The following CEP89 variants were observed in gnomAD, a reference collection of about 807,000 sequenced individuals.
CEP89 encodes the protein centrosomal protein of 89 kDa.
CEP89 carries 95 observed loss-of-function variants against 97.6 expected under a neutral mutation model. The ratio of observed to expected loss-of-function variants is 0.97; its 90% CI spans 0.82 to 1.15. The LOEUF (loss-of-function observed/expected upper bound fraction) is 1.15. Ranked by LOEUF, CEP89 falls within the 50% of genes most tolerant of loss-of-function variation. The probability of loss-of-function intolerance (pLI) is 0.00; values close to 1 mark genes in which losing one functional copy is unlikely to be tolerated. For synonymous variants in CEP89, 354 were observed against 349.1 expected (o/e 1.01, Z -0.16); for missense variants, 869 against 947.7 (o/e 0.92, Z 1.09).
rs780316076 is a variant in CEP89, at chr19:32,879,163, T to A, written c.2351A>T (p.Ter784LeuextTer8). The stretch of plus-strand genomic sequence containing the variant: ...CTACACCACGGGCTCCCGCAGATTC[T>A]AGCAGGTGGGGGCATGAGACTTCAG... ...YDLKSHAPTC* is the reference protein window; with the variant it reads ...YDLKSHAPTCL Residue 784 changes from the stop codon to leucine (L), a stop_lost, in exon 19 of 19, where the codon TAG becomes TTG. Transcript: ENST00000305768. 1.2e-5 allele frequency: 20 copies of A among 1,605,942 alleles called. No homozygotes were observed. In the Admixed American group the frequency reaches 3.4e-4, roughly 27 times the overall value.
rs1971135820 is a variant in CEP89 at position 32,960,094 on chromosome 19, A to T, written c.147-36T>A. The T allele has an allele frequency of 3.1e-6, 5 of 1,611,760 alleles. 1 individual carries two copies. The highest frequency in any genetic ancestry group is 4.2e-6 in the Non-Finnish European group (5 of 1,178,526). On this transcript the variant is annotated intron_variant, in intron 2 of 18. Transcript: ENST00000305768. ...AAACATCCCATGGAGACAGTGAGAC[A>T]TGAACATTCCAGGTGAATGCTGAAC...
intron 9 of CEP89, among the ~76,000 whole-genome samples, chr19:32,930,172 C>T (rs918401071): frequency 4.6e-5 from 7 of 151,776 alleles, no homozygotes; most frequent in South Asian, 2.1e-4. Context: ...ATTACAGGTG[C>T]GCACGACCAT....
rs1049689826 is a variant in CEP89 at position 32,971,928 on chromosome 19, C to T, written c.-54G>A. 6.4e-7 allele frequency: 1 copy of T among 1,555,530 alleles called. No individual in the cohort carries two copies. The highest frequency in any genetic ancestry group is 8.7e-7 in the Non-Finnish European group (1 of 1,146,604). On this transcript the variant is annotated 5_prime_UTR_variant, in exon 1 of 19. Transcript: ENST00000305768. ...GCCTGGACTCATCAGCAGATCTATC[C>T]ACAGCCAGGGACCACTCCCTAAAGC...
chr19:32,943,702 A>G (rs1170231198), intron 5 of CEP89, among the ~76,000 whole-genome samples: 2 of 152,008 alleles, frequency 1.3e-5, no homozygotes, highest in Non-Finnish European at 2.9e-5. Flanking sequence ...GTGGGGAGGG[A>G]GAGTAGCATG....
chr19:32,945,756 G>A (rs1663987496), intron 5 of CEP89, among the ~76,000 whole-genome samples: 1 of 152,098 alleles, frequency 6.6e-6, no homozygotes, highest in African/African-American at 2.4e-5. Flanking sequence ...TCCCGCCTTG[G>A]CCTCCCAAGG....
At chr19:32,887,032 A>C (rs887999259) in intron 17 of CEP89, among the ~76,000 whole-genome samples, 6 of 149,190 alleles carry the variant, frequency 4.0e-5, no homozygotes, top group African/African-American at 1.5e-4. Context: ...AAAAATACAA[A>C]AAAAAAAAAA....
rs1460474134 is a variant in CEP89 at position 32,959,764 on chromosome 19, C to T, written c.305+136G>A. 5.9e-6 allele frequency: 5 copies of T among 842,218 alleles called. No individual in the cohort carries two copies. In the African/African-American group the frequency reaches 6.8e-5, roughly 12 times the overall value. The allele number at this position is 842,218 out of a possible 1,614,324, so 52.2% of individuals were successfully genotyped here. Reference sequence around the variant, plus strand: ...GTGACTAAGACTCTAGTCATAAATACATGCATGAGCACCCACGCACCCACA... The same window carrying T: ...GTGACTAAGACTCTAGTCATAAATATATGCATGAGCACCCACGCACCCACA... On this transcript the variant is annotated intron_variant, in intron 3 of 18. Transcript: ENST00000305768.
Position 32,966,431 on chromosome 19 carries a change from G to A in CEP89, c.75C>T (p.Ser25=), listed in dbSNP as rs200655693. The change falls in exon 2 of 19, where the codon AGC becomes AGT. Residue 25 remains serine, a synonymous_variant. Transcript: ENST00000305768. ...HIIHGLLPAA[S]VAPKAAVPRT... ...GTGGCACAGCTGCCTTCGGAGCAAC[G>A]CTGGCTGCAGGTAAAAGGCCATGGA... The A allele has an allele frequency of 3.6e-5, 56 of 1,561,586 alleles. No individual in the cohort carries two copies. The East Asian group carries it at 3.6e-4, about 10-fold the overall frequency.
intron 16 of CEP89, among the ~76,000 whole-genome samples, chr19:32,895,524 GA>G (rs906042051): frequency 6.6e-6 from 1 of 152,050 alleles, no homozygotes; most frequent in Non-Finnish European, 1.5e-5. Context: ...CCGAGTAGGG[GA>G]AAGCAAAAAG....
In CEP89 at chr19:32,957,361, T is replaced by C. The variant is rs574414567; in HGVS notation, c.305+2539A>G. 9.2e-5 allele frequency among the ~76,000 whole-genome samples: 14 copies of C among 152,256 alleles called. No individual in the cohort carries two copies. The South Asian group carries it at 2.9e-3, about 32-fold the overall frequency. ...GGGTGGTTGTGGATTTAATCGGAAATAGTTCTTGAAATTGAGTGTATGTGC... is the reference window on the plus strand; with the variant it reads ...GGGTGGTTGTGGATTTAATCGGAAACAGTTCTTGAAATTGAGTGTATGTGC... On this transcript the variant is annotated intron_variant, in intron 3 of 18. Transcript: ENST00000305768.
rs1970586173 is a variant in CEP89, at chr19:32,936,609, A to G, written c.667+1022T>C. On this transcript the variant is annotated intron_variant, in intron 7 of 18. Transcript: ENST00000305768. This position sits in a 1 kb window ranked among gnomAD's most constrained non-coding sequence, Gnocchi z 4.5. ...GCGCACTTCCTCCCTTCTGAGGCCC[A>G]TAAAAGCCCTGGGCTTAGTTGGAGC... Among the ~76,000 whole-genome samples, 1 of 152,112 alleles carries G rather than the reference A, an allele frequency of 6.6e-6. No individual in the cohort carries two copies. The highest frequency in any genetic ancestry group is 2.4e-5 in the African/African-American group (1 of 41,420).
At position 32,967,436 on chromosome 19, in the gene CEP89, A is replaced by G. The variant is rs1308710336; in HGVS notation, c.40-970T>C. 4.6e-5 allele frequency among the ~76,000 whole-genome samples: 7 copies of G among 152,180 alleles called. 1 individual carries two copies. The highest frequency in any genetic ancestry group is 4.6e-4 in the Admixed American group (7 of 15,270). ...CCCCAAAGTGGTGAGAAGGGAGGAAAAACACCCAAATAATTATTACAGAAC... is the reference window on the plus strand; with the variant it reads ...CCCCAAAGTGGTGAGAAGGGAGGAAGAACACCCAAATAATTATTACAGAAC... On this transcript the variant is annotated intron_variant, in intron 1 of 18. Coordinates refer to ENST00000305768, the MANE Select transcript of CEP89 (RefSeq NM_032816.5).
intron 5 of CEP89, among the ~76,000 whole-genome samples, chr19:32,942,974 G>A (rs889412787): frequency 2.0e-5 from 3 of 151,518 alleles, no homozygotes; most frequent in African/African-American, 7.3e-5. Context: ...GCCTCCAGCT[G>A]CCAGGCTCAG....
intron 14 of CEP89, among the ~76,000 whole-genome samples, chr19:32,908,748 C>T (rs1271209671): frequency 6.6e-6 from 1 of 152,188 alleles, no homozygotes; most frequent in Non-Finnish European, 1.5e-5. Flanking sequence ...GCAGAATACT[C>T]ACTGATTTAT....
intron 13 of CEP89, 22 bp downstream of exon 13, chr19:32,918,202 G>A: frequency 6.5e-7 from 1 of 1,544,216 alleles, no homozygotes; most frequent in Non-Finnish European, 9.0e-7. Flanking sequence ...TGCATGACCA[G>A]TCCTCACTGG....
chr19:32,914,136 C>T (rs1286240382), intron 14 of CEP89, among the ~76,000 whole-genome samples: 4 of 152,112 alleles, frequency 2.6e-5, no homozygotes, highest in African/African-American at 9.7e-5. Context: ...TGTAAAAAAA[C>T]AGACATATGG....
intron 17 of CEP89, among the ~76,000 whole-genome samples, chr19:32,885,977 G>T (rs35633965): frequency 0.081 from 12,372 of 152,098 alleles, 1,571 homozygotes; most frequent in African/African-American, 0.27. Flanking sequence ...CCGCTTCTCT[G>T]TCCCTTCTAT....
At position 32,931,575 on chromosome 19, in the gene CEP89, G is replaced by T; in HGVS notation, c.887-4C>A. The stretch of plus-strand genomic sequence containing the variant: ...TAAAGTAATTCAGGTGCAGCAACTA[G>T]GGAAAAAAATTTAATATTATACTAT... On this transcript the variant is annotated splice_region_variant and splice_polypyrimidine_tract_variant and intron_variant, in intron 8 of 18. Coordinates refer to ENST00000305768, the MANE Select transcript of CEP89 (RefSeq NM_032816.5). The T allele has an allele frequency of 6.4e-7, 1 of 1,571,232 alleles. No individual in the cohort carries two copies. Among genetic ancestry groups the T allele is most frequent in the Non-Finnish European group, 8.6e-7 (1 of 1,167,126 alleles).
chr19:32,914,855 C>G (rs1970087064), intron 14 of CEP89, among the ~76,000 whole-genome samples: 1 of 151,960 alleles, frequency 6.6e-6, no homozygotes, highest in Non-Finnish European at 1.5e-5. Context: ...AACCCCGTCT[C>G]TACCAAAAAT....
Sources: allele counts gnomAD v4.1 joint callset (sites outside exome capture counted in the v4.1 genomes callset), GRCh38; gene constraint gnomAD v4.1.1; non-coding constraint Gnocchi (gnomAD v3.1); transcripts MANE v1.5; gene names NCBI Gene and HGNC (gene_info 2026-07-23, HGNC 2026-07-21).